The following TRIM54 variants were observed in gnomAD, a reference collection of about 807,000 sequenced individuals.
TRIM54 encodes the protein tripartite motif containing 54, also known as tripartite motif-containing protein 54.
A neutral mutation model predicts 42.0 loss-of-function variants in TRIM54; 40 were observed. The observed-to-expected ratio is 0.95, with a 90% CI of 0.74 to 1.24. The LOEUF is 1.24. Ranked by LOEUF, TRIM54 falls within the 50% of genes most tolerant of loss-of-function variation. TRIM54 has a pLI of 0.00. For synonymous variants in TRIM54, 199 were observed against 194.9 expected (o/e 1.02, Z -0.17); for missense variants, 485 against 480.3 (o/e 1.01, Z -0.09).
intron 3 of TRIM54, among the ~76,000 whole-genome samples, chr2:27,300,569 T>G (rs1558588617): frequency 7.0e-6 from 1 of 143,726 alleles, no homozygotes; most frequent in East Asian, 1.9e-4. Flanking sequence ...ATAATATTTA[T>G]TAGTAGTAGT....
At chr2:27,287,545 A>G (rs1476008774) in intron 1 of TRIM54, among the ~76,000 whole-genome samples, 1 of 151,402 alleles carries the variant, frequency 6.6e-6, no homozygotes, top group Non-Finnish European at 1.5e-5. Context: ...TTTCCCAGAG[A>G]CAGGGTCTCA....
intron 4 of TRIM54, chr2:27,305,321 C>T (rs1679162747): frequency 1.0e-5 from 6 of 583,934 alleles, no homozygotes; most frequent in South Asian, 2.2e-5. Flanking sequence ...CACCAGCTAC[C>T]TCATGGGTTC....
intron 4 of TRIM54, 73 bp from the exon 5 acceptor site, chr2:27,305,507 CTCTG>C: frequency 2.4e-6 from 3 of 1,256,200 alleles, no homozygotes; most frequent in African/African-American, 1.5e-5. Context: ...TGTGTTGGTT[CTCTG>C]TGAGTACCCT....
intron 1 of TRIM54, among the ~76,000 whole-genome samples, chr2:27,292,939 C>G (rs867855069): frequency 6.6e-5 from 10 of 152,322 alleles, no homozygotes; most frequent in Middle Eastern, 3.4e-3. Flanking sequence ...ATTCTCCTGT[C>G]AAATGTGGAT....
At chr2:27,296,024 G>T (rs1477177947) in intron 1 of TRIM54, among the ~76,000 whole-genome samples, 2 of 152,138 alleles carry the variant, frequency 1.3e-5, no homozygotes, top group African/African-American at 4.8e-5. Context: ...GTTTATGATG[G>T]GCTTAAAGGT....
chr2:27,300,593 A>C (rs1428472625), intron 3 of TRIM54, among the ~76,000 whole-genome samples: 3 of 150,646 alleles, frequency 2.0e-5, no homozygotes, highest in Admixed American at 6.6e-5. Context: ...ACTAATAATA[A>C]TATTTATTAG....
chr2:27,282,573 TG>T lies in TRIM54; in HGVS notation c.-156del. The T allele has an allele frequency of 1.4e-6, 1 of 732,020 alleles. No homozygotes were observed. Among genetic ancestry groups the T allele is most frequent in the Non-Finnish European group, 2.2e-6 (1 of 465,064 alleles). The allele number at this position is 732,020 out of a possible 1,614,324, so 45.3% of individuals were successfully genotyped here. On this transcript the variant is annotated 5_prime_UTR_variant, in exon 1 of 9. Coordinates refer to ENST00000380075, the MANE Select transcript of TRIM54 (RefSeq NM_187841.3). ...TAGAGACTGTCCGAAGACTGCTATC[TG>T]GGACGAGACAAGTTGTTAAAGGGAC...
rs769085524 is a variant in TRIM54, at chr2:27,306,576, C to T, written c.*1+34C>T. On this transcript the variant is annotated intron_variant, in intron 8 of 8. Transcript: ENST00000380075. This position sits in a 1 kb window ranked among gnomAD's most constrained non-coding sequence, Gnocchi z 6.1. ...CGCCCGATGGGCCTTAAGGTGAGAG[C>T]GGCCTGAGGGGCTTGGGGTGGGGCC... 5.0e-5 allele frequency: 75 copies of T among 1,501,050 alleles called. No homozygotes were observed. Among genetic ancestry groups the T allele is most frequent in the Non-Finnish European group, 6.5e-5 (73 of 1,122,696 alleles). 93.0% of individuals were successfully genotyped at this position (1,501,050 alleles called of 1,614,324 possible).
chr2:27,285,037 A>G (rs978742356), intron 1 of TRIM54, among the ~76,000 whole-genome samples: 2 of 152,182 alleles, frequency 1.3e-5, no homozygotes, highest in African/African-American at 2.4e-5. Context: ...TGGAGATAAC[A>G]TGATACCCAG....
intron 3 of TRIM54, among the ~76,000 whole-genome samples, chr2:27,303,527 G>A (rs1435825656): frequency 6.6e-6 from 1 of 151,966 alleles, no homozygotes; most frequent in African/African-American, 2.4e-5. Flanking sequence ...TCCAGCCTGG[G>A]CAACAGGGAG....
In TRIM54 at chr2:27,298,551, C is replaced by T. The variant is rs1317706493; in HGVS notation, c.169-16C>T. ...GCCTCCCCGTGCCTGTTCTCTCAAG[C>T]CATCTGTCCCTGCAGGCCTCGAATC... On this transcript the variant is annotated splice_polypyrimidine_tract_variant and intron_variant, in intron 1 of 8. Coordinates refer to ENST00000380075, the MANE Select transcript of TRIM54 (RefSeq NM_187841.3). 1.5e-5 allele frequency: 24 copies of T among 1,605,768 alleles called. No homozygotes were observed. The highest frequency in any genetic ancestry group is 2.0e-5 in the Non-Finnish European group (23 of 1,174,010).
At position 27,306,334 on chromosome 2, in the gene TRIM54, C is replaced by A; in HGVS notation, c.988C>A (p.Pro330Thr). 6.2e-7 allele frequency: 1 copy of A among 1,614,074 alleles called. No homozygotes were observed. The highest frequency in any genetic ancestry group is 1.1e-5 in the South Asian group (1 of 91,084). Residue 330 changes from proline (P) to threonine (T), a missense_variant, in exon 7 of 9, where the codon CCA (proline) becomes ACA (threonine). Pro to Thr is a conservative substitution (Grantham distance 38). Coordinates refer to ENST00000380075, the MANE Select transcript of TRIM54 (RefSeq NM_187841.3). This position sits in a 1 kb window ranked among gnomAD's most constrained non-coding sequence, Gnocchi z 6.1. ...AATGCTGCGGACCATCGACTTCCAG[C>A]CAGGTGAAGGAGGTGGCCGAGGGCC... ...AEMLRTIDFQPGASGEEEEVA... is the reference protein window; with the variant it reads ...AEMLRTIDFQTGASGEEEEVA...
In TRIM54 at chr2:27,305,007, G is replaced by A. The variant is rs149751051; in HGVS notation, c.562G>A (p.Val188Met). 2.4e-5 allele frequency: 38 copies of A among 1,613,970 alleles called. 2 individuals carry two copies. Among genetic ancestry groups the A allele is most frequent in the South Asian group, 2.0e-4 (18 of 91,066 alleles). ...GATGCTGGTGGCAGGCAATGACCGC[G>A]TGCAAGCAGTGATCACACAGATGGA... ...IAMLVAGNDR[V>M]QAVITQMEEV... The change falls in exon 4 of 9, where the codon GTG (valine) becomes ATG (methionine). Residue 188 changes from valine (V) to methionine (M), a missense_variant. Val to Met is a conservative substitution (Grantham distance 21, BLOSUM62 1). Transcript: ENST00000380075.
rs763181767 is a variant in TRIM54 at position 27,282,866 on chromosome 2, C to A, written c.135C>A (p.Asn45Lys). 4.3e-6 allele frequency: 7 copies of A among 1,613,560 alleles called. No individual in the cohort carries two copies. The Admixed American group carries it at 1.2e-4, about 27-fold the overall frequency. ...TGGTGATCCTGCCCTGCCAACACAA[C>A]CTGTGCCGCAAATGTGCCAACGACG... ...KPVVILPCQHNLCRKCANDVF... is the reference protein window; with the variant it reads ...KPVVILPCQHKLCRKCANDVF... Residue 45 changes from asparagine (N) to lysine (K), a missense_variant, in exon 1 of 9, where the codon AAC becomes AAA. Asn to Lys is a moderately conservative substitution (Grantham distance 94, BLOSUM62 0). Coordinates refer to ENST00000380075, the MANE Select transcript of TRIM54 (RefSeq NM_187841.3).
Position 27,305,706 on chromosome 2 carries a change from G to T in TRIM54, c.732G>T (p.Gln244His), listed in dbSNP as rs769249508. Reference protein sequence around the residue: ...ALAREQEEKLQRVRGLIRQYG... With the variant: ...ALAREQEEKLHRVRGLIRQYG... ...CCCGGGAGCAAGAGGAGAAGCTGCA[G>T]CGCGTCCGCGGCCTCATCCGTCAGT... is the stretch of plus-strand genomic sequence containing the variant. Residue 244 changes from glutamine (Q) to histidine (H), a missense_variant, in exon 5 of 9, where the codon CAG (glutamine) becomes CAT (histidine). Gln to His is a conservative substitution (Grantham distance 24). Transcript: ENST00000380075. 5 of 1,612,464 alleles carry T rather than the reference G, an allele frequency of 3.1e-6. No individual in the cohort carries two copies. The highest frequency in any genetic ancestry group is 2.2e-5 in the South Asian group (2 of 90,710).
intron 1 of TRIM54, among the ~76,000 whole-genome samples, chr2:27,295,527 C>T (rs1678843187): frequency 6.6e-6 from 1 of 152,112 alleles, no homozygotes; most frequent in African/African-American, 2.4e-5. Flanking sequence ...AGGCTGGTCT[C>T]GAACTCTTGA....
chr2:27,284,716 C>T (rs1191237649), intron 1 of TRIM54, among the ~76,000 whole-genome samples: 1 of 152,152 alleles, frequency 6.6e-6, no homozygotes, highest in Non-Finnish European at 1.5e-5. Context: ...CATCCTTTCT[C>T]ATGAACTTAC....
In TRIM54 at chr2:27,306,030, T is replaced by C. The variant is rs1227307738; in HGVS notation, c.844-50T>C. On this transcript the variant is annotated intron_variant, in intron 5 of 8. Coordinates refer to ENST00000380075, the MANE Select transcript of TRIM54 (RefSeq NM_187841.3). This position sits in a 1 kb window ranked among gnomAD's most constrained non-coding sequence, Gnocchi z 6.1. ...GTGGTGAGATTCAGAAATGGGACTT[T>C]GCCCAGGTTGGCCCAGTGCTTACTC... is the stretch of plus-strand genomic sequence containing the variant. 1 of 1,610,794 alleles carries C rather than the reference T, an allele frequency of 6.2e-7. No homozygotes were observed. The highest frequency in any genetic ancestry group is 2.2e-5 in the East Asian group (1 of 44,862).
intron 1 of TRIM54, among the ~76,000 whole-genome samples, chr2:27,293,349 T>C (rs999713468): frequency 6.6e-6 from 1 of 152,334 alleles, no homozygotes; most frequent in South Asian, 2.1e-4. Context: ...CTTTGGTGAA[T>C]AGAGGGGTAT....
Sources: gnomAD v4.1 joint callset for allele counts (sites outside exome capture counted in the v4.1 genomes callset) on GRCh38, gnomAD v4.1.1 for gene constraint, Gnocchi (gnomAD v3.1) non-coding constraint, MANE v1.5 for transcripts, NCBI Gene and HGNC (gene_info 2026-07-23, HGNC 2026-07-21) for gene names.